Variants in SCUBE2 observed in about 807,000 individuals in gnomAD.
SCUBE2 encodes signal peptide, CUB and EGF-like domain-containing protein 2.
A neutral mutation model predicts 125.9 loss-of-function variants in SCUBE2; 114 were observed. The ratio of observed to expected loss-of-function variants is 0.91; its 90% CI spans 0.78 to 1.06. The LOEUF is 1.06. Ranked by LOEUF, SCUBE2 falls within the 50% of genes least tolerant of loss-of-function variation. The pLI, the probability that SCUBE2 is intolerant of heterozygous loss-of-function variation, is 0.00. For synonymous variants in SCUBE2, 459 were observed against 492.9 expected (o/e 0.93, Z 0.91); for missense variants, 1,255 against 1,301.8 (o/e 0.96, Z 0.55).
rs760538559 is a variant in SCUBE2 at position 9,021,068 on chromosome 11, T to A, written c.3064A>T (p.Arg1022Trp). 20 of 1,613,536 alleles carry A rather than the reference T, an allele frequency of 1.2e-5. No individual in the cohort carries two copies. Among genetic ancestry groups the A allele is most frequent in the African/African-American group, 2.7e-5 (2 of 74,900 alleles). ...AGTCATTTGTAAGGTCTCAAAAACC[T>A]GGACACTTTGGAACGTAGCAATCGG... ...FIRLLRSKVSRFLRPYK is the reference protein window; with the variant it reads ...FIRLLRSKVSWFLRPYK The change falls in exon 23 of 23, where the codon AGG (arginine) becomes TGG (tryptophan). Residue 1022 changes from arginine (R) to tryptophan (W), a missense_variant. Arg to Trp is a moderately radical substitution (Grantham distance 101). This residue lies in a region of SCUBE2 where 515 missense variants were observed against 515.7 expected (regional missense o/e 1.00). Coordinates refer to ENST00000649792, the MANE Select transcript of SCUBE2 (RefSeq NM_001367977.2).
chr11:9,091,471 G>C lies in SCUBE2; in HGVS notation c.58C>G (p.Leu20Val), dbSNP rs752299691. The C allele has an allele frequency of 1.2e-5, 15 of 1,272,560 alleles. No homozygotes were observed. In the African/African-American group the frequency reaches 2.2e-4, roughly 19 times the overall value. 78.8% of individuals were successfully genotyped at this position (1,272,560 alleles called of 1,614,324 possible). ...GAAWAVLLLL[L>V]LLPPLLLLAG... ...AGCAGCAGCAGTGGCGGCAGCAGCA[G>C]CAGCAGCAGCAGCACCGCCCAGGCC... Residue 20 changes from leucine (L) to valine (V), a missense_variant, in exon 1 of 23, where the codon CTG becomes GTG. Physicochemically the swap from Leu to Val is conservative, Grantham distance 32. This residue lies in a region of SCUBE2 where 362 missense variants were observed against 323.0 expected (regional missense o/e 1.12). Coordinates refer to ENST00000649792, the MANE Select transcript of SCUBE2 (RefSeq NM_001367977.2). This position sits in a 1 kb window ranked among gnomAD's most constrained non-coding sequence, Gnocchi z 8.5.
intron 2 of SCUBE2, 141 bp downstream of exon 2, chr11:9,089,566 C>T (rs1034194166): frequency 1.1e-6 from 1 of 896,618 alleles, no homozygotes; most frequent in Non-Finnish European, 1.7e-6. Context: ...AAATATATTT[C>T]AGAGAGCAGG....
chr11:9,022,842 T>C (rs918829063), intron 21 of SCUBE2: 1 of 152,298 alleles, frequency 6.6e-6, no homozygotes, highest in African/African-American at 2.4e-5. Context: ...CATCAGGCTC[T>C]CCTTTCCCTC....
In SCUBE2 at chr11:9,047,377, C is replaced by G; in HGVS notation, c.1981G>C (p.Gly661Arg). Residue 661 changes from glycine (G) to arginine (R), a missense_variant, in exon 16 of 23, where the codon GGT becomes CGT. Gly to Arg is a moderately radical substitution (Grantham distance 125, BLOSUM62 -2). Coordinates refer to ENST00000649792, the MANE Select transcript of SCUBE2 (RefSeq NM_001367977.2). Reference protein sequence around the residue: ...RQAESCGVGQGHAENQCVSCR... With the variant: ...RQAESCGVGQRHAENQCVSCR... ...TCACCACATTGGTTTTCTGCATGAC[C>G]CTGGCCCACTCCACAGGACTCTGCC... 1.2e-6 allele frequency: 2 copies of G among 1,614,168 alleles called. No homozygotes were observed. The highest frequency in any genetic ancestry group is 1.1e-5 in the South Asian group (1 of 91,078).
intron 1 of SCUBE2, among the ~76,000 whole-genome samples, chr11:9,090,780 G>A (rs147798509): frequency 6.6e-6 from 1 of 152,176 alleles, no homozygotes; most frequent in African/African-American, 2.4e-5. Flanking sequence ...ACTACTCCAG[G>A]ATATTAATTA....
intron 13 of SCUBE2, among the ~76,000 whole-genome samples, chr11:9,051,253 T>G (rs7103024): frequency 0.032 from 4,769 of 150,704 alleles, 258 homozygotes; most frequent in African/African-American, 0.11. Context: ...TATCTATCTA[T>G]CTATCTACCT....
rs1860169335 is a variant in SCUBE2 at position 9,065,872 on chromosome 11, A to G, written c.850+19T>C. ...AAGGACAATTGCAGTGGCCAAGGAA[A>G]GGGAGTGAAGGTGCCTACCCATGAG... On this transcript the variant is annotated intron_variant, in intron 7 of 22. Coordinates refer to ENST00000649792, the MANE Select transcript of SCUBE2 (RefSeq NM_001367977.2). 6.2e-7 allele frequency: 1 copy of G among 1,607,344 alleles called. No individual in the cohort carries two copies.
At position 9,089,781 on chromosome 11, in the gene SCUBE2, A is replaced by C; in HGVS notation, c.182T>G (p.Leu61Arg). ...GTAGGAGGTGGGTGTGTTCTGACAC[A>C]GGGCGTCGGCATGGCAGTCATCTAG... Reference protein sequence around the residue: ...QGLDDCHADALCQNTPTSYKC... With the variant: ...QGLDDCHADARCQNTPTSYKC... The change falls in exon 2 of 23, where the codon CTG becomes CGG. Residue 61 changes from leucine (L) to arginine (R), a missense_variant. Around this residue, in one of 3 missense-constraint regions of SCUBE2, gnomAD observed 362 missense variants for 323.0 expected, o/e 1.12. Transcript: ENST00000649792. 2 of 1,613,938 alleles carry C rather than the reference A, an allele frequency of 1.2e-6. No individual in the cohort carries two copies. Among genetic ancestry groups the C allele is most frequent in the Non-Finnish European group, 1.7e-6 (2 of 1,179,944 alleles).
intron 3 of SCUBE2, among the ~76,000 whole-genome samples, chr11:9,074,946 C>A (rs4061964): frequency 1.3e-5 from 2 of 152,112 alleles, no homozygotes; most frequent in Non-Finnish European, 2.9e-5. Context: ...CCAGGTGTGG[C>A]GGCTCAAGCC....
intron 16 of SCUBE2, among the ~76,000 whole-genome samples, chr11:9,043,692 C>T (rs1346289869): frequency 6.6e-6 from 1 of 151,828 alleles, no homozygotes; most frequent in Non-Finnish European, 1.5e-5. Flanking sequence ...CAGTTCAATG[C>T]AAAAATAGGC....
At chr11:9,021,998 T>C in intron 21 of SCUBE2, 43 bp from the exon 22 acceptor site, 1 of 1,448,570 alleles carries the variant, frequency 6.9e-7, no homozygotes, top group Non-Finnish European at 9.7e-7. Context: ...ATGATTTAGT[T>C]GCTTCCAAAC....
intron 2 of SCUBE2, among the ~76,000 whole-genome samples, chr11:9,083,550 A>G (rs1307655183): frequency 6.6e-6 from 1 of 151,418 alleles, no homozygotes; most frequent in Non-Finnish European, 1.5e-5. Flanking sequence ...GAGAGAATAG[A>G]ATGAATTTTT....
chr11:9,052,965 T>TGGACCTCTCAAAGCAC lies in SCUBE2; in HGVS notation c.1447+118_1447+133dup. 6.8e-6 allele frequency: 7 copies of TGGACCTCTCAAAGCAC among 1,026,286 alleles called. No homozygotes were observed. The South Asian group carries it at 1.1e-4, about 15-fold the overall frequency. 63.6% of individuals were successfully genotyped at this position (1,026,286 alleles called of 1,614,324 possible). ...GCCCAGCATATGGGGTCTCGAAGCATGGACCTCTCAAAGCACGGTGGTCGG... is the reference window on the plus strand; with the variant it reads ...GCCCAGCATATGGGGTCTCGAAGCATGGACCTCTCAAAGCACGGACCTCTCAAAGCACGGTGGTCGG... On this transcript the variant is annotated intron_variant, in intron 12 of 22. Coordinates refer to ENST00000649792, the MANE Select transcript of SCUBE2 (RefSeq NM_001367977.2).
Position 9,059,433 on chromosome 11 carries a change from A to G in SCUBE2, c.968-8T>C. On this transcript the variant is annotated splice_polypyrimidine_tract_variant and splice_region_variant and intron_variant, in intron 8 of 22. Transcript: ENST00000649792. ...TCTGGCACTCATCAATATCTGCAAC[A>G]GGAAAGCATTGGGCATATCAGAGAG... 1 of 1,613,742 alleles carries G rather than the reference A, an allele frequency of 6.2e-7. No homozygotes were observed. The highest frequency in any genetic ancestry group is 8.5e-7 in the Non-Finnish European group (1 of 1,179,676).
At chr11:9,079,533 C>T (rs2135904563) in intron 2 of SCUBE2, 24 bp from the exon 3 acceptor site, 2 of 1,610,358 alleles carry the variant, frequency 1.2e-6, no homozygotes, top group Non-Finnish European at 1.7e-6. Context: ...CAGAAGTAAA[C>T]CAGACAGGTG....
chr11:9,024,226 A>G (rs1855541261), intron 21 of SCUBE2: 6 of 1,095,484 alleles, frequency 5.5e-6, no homozygotes, highest in Non-Finnish European at 6.7e-6. Context: ...AGCCATATTT[A>G]TTTTGAAGTC....
chr11:9,060,374 G>C (rs1859552165), intron 8 of SCUBE2, 34 bp downstream of exon 8: 1 of 1,536,726 alleles, frequency 6.5e-7, no homozygotes, highest in Admixed American at 1.7e-5. Context: ...CTCCATAACA[G>C]GGCACCCAGT....
chr11:9,086,528 C>T (rs1392071813), intron 2 of SCUBE2, among the ~76,000 whole-genome samples: 1 of 152,164 alleles, frequency 6.6e-6, no homozygotes, highest in Non-Finnish European at 1.5e-5. Flanking sequence ...ATTTCCATTT[C>T]TGTACTCCTA....
At chr11:9,054,725 A>ATATATATATATATATTTTTT (rs1368153935) in intron 10 of SCUBE2, among the ~76,000 whole-genome samples, 1 of 22,348 alleles carries the variant, frequency 4.5e-5, no homozygotes, top group African/African-American at 2.1e-4. Context: ...ATATATATAT[A>ATATATATATATATATTTTTT]TTTTTTTTTT....
Sources: gnomAD v4.1 joint callset for allele counts (sites outside exome capture counted in the v4.1 genomes callset) on GRCh38, gnomAD v4.1.1 for gene constraint, gnomAD v4.1.1 regional missense constraint, Gnocchi (gnomAD v3.1) non-coding constraint, MANE v1.5 for transcripts, NCBI Gene and HGNC (gene_info 2026-07-23, HGNC 2026-07-21) for gene names.